Variants in TAMM41 observed in about 807,000 individuals in gnomAD.
TAMM41 encodes the protein TAM41 mitochondrial translocator assembly and maintenance homolog.
Under a neutral mutation model 44.1 loss-of-function variants are expected in TAMM41, and 36 were observed. The ratio of observed to expected loss-of-function variants is 0.82; its 90% CI spans 0.63 to 1.08. The LOEUF is 1.08. Among genes scored for constraint, TAMM41 ranks in the 50% least tolerant of loss-of-function variants. TAMM41 has a pLI of 0.00. For synonymous variants in TAMM41, 164 were observed against 153.1 expected, an observed-to-expected ratio of 1.07 and a Z score of -0.53; for missense variants, 417 against 404.3, an observed-to-expected ratio of 1.03 and a Z score of -0.27.
downstream of TAMM41, among the ~76,000 whole-genome samples, chr3:11,787,044 CACTT>C (rs558676097): frequency 9.8e-4 from 150 of 152,316 alleles, 2 homozygotes; most frequent in Admixed American, 7.8e-3. Flanking sequence ...CTTGCTCACT[CACTT>C]GTCTGGCAAT....
At chr3:11,765,465 G>C in the TAMM41 span, among the ~76,000 whole-genome samples, 2 of 152,128 alleles carry the variant, frequency 1.3e-5, no homozygotes, top group Admixed American at 1.3e-4. Flanking sequence ...AATAAGTTAA[G>C]AAAACTTCTC....
intron 5 of TAMM41, chr3:11,810,867 C>T (rs1038596191): frequency 6.6e-6 from 1 of 151,366 alleles, no homozygotes; most frequent in African/African-American, 2.4e-5. Flanking sequence ...AATTCAACAT[C>T]AGCCCTAGCA....
downstream of TAMM41, among the ~76,000 whole-genome samples, chr3:11,787,367 C>A (rs1303158701): frequency 1.3e-5 from 2 of 152,208 alleles, no homozygotes; most frequent in African/African-American, 4.8e-5. Flanking sequence ...AGCAACACAG[C>A]AGCAGGTGTG....
Position 11,846,770 on chromosome 3 carries a change from G to A in TAMM41, c.-134C>T, listed in dbSNP as rs2079721767. On this transcript the variant is annotated 5_prime_UTR_variant, in exon 1 of 8. Coordinates refer to ENST00000455809, the MANE Select transcript of TAMM41 (RefSeq NM_001284401.2). ...ATCGAGGGACACAAGGCTGAGTGTG[G>A]GGTGGGACTGCAAGCACACGCAAGG... The A allele has an allele frequency of 8.7e-7, 1 of 1,155,716 alleles. No homozygotes were observed. Among genetic ancestry groups the A allele is most frequent in the Non-Finnish European group, 1.2e-6 (1 of 811,736 alleles). The allele number at this position is 1,155,716 out of a possible 1,614,324, so 71.6% of individuals were successfully genotyped here. A position where few individuals can be genotyped will look rare whatever the true frequency, so the allele number is the denominator to read the frequency against.
chr3:11,780,484 A>G, the TAMM41 span, among the ~76,000 whole-genome samples: 51 of 152,266 alleles, frequency 3.3e-4, no homozygotes, highest in African/African-American at 1.2e-3. Flanking sequence ...TTTAGTCAAG[A>G]GGTTAAGAGG....
chr3:11,794,473 T>G (rs900382928), intron 7 of TAMM41, among the ~76,000 whole-genome samples: 1 of 152,160 alleles, frequency 6.6e-6, no homozygotes, highest in African/African-American at 2.4e-5. Context: ...GAAAGGATGA[T>G]GATTTAGGAA....
chr3:11,741,543 A>G, the TAMM41 span, among the ~76,000 whole-genome samples: 2 of 149,976 alleles, frequency 1.3e-5, 1 homozygote, highest in African/African-American at 5.1e-5. Context: ...ATTTCTCTTC[A>G]TGTCTTCCAC....
intron 4 of TAMM41, among the ~76,000 whole-genome samples, chr3:11,817,883 T>C: frequency 6.6e-6 from 1 of 152,368 alleles, no homozygotes; most frequent in Non-Finnish European, 1.5e-5. Context: ...AAAACAGATA[T>C]AACTTTTTAA....
intron 4 of TAMM41, among the ~76,000 whole-genome samples, chr3:11,818,897 C>CAAA (rs11419189): frequency 1.0e-5 from 1 of 97,064 alleles, no homozygotes. Flanking sequence ...GACTCCATCT[C>CAAA]AAAAAAAAAA....
In TAMM41 at chr3:11,805,656, T is replaced by C. The variant is rs185372616; in HGVS notation, c.937+2177A>G. 1.3e-4 allele frequency among the ~76,000 whole-genome samples: 20 copies of C among 152,298 alleles called. 1 individual carries two copies. In the East Asian group the frequency reaches 3.7e-3, roughly 28 times the overall value. ...GAGGAGTATCCAAGCAGCTGGGCTA[T>C]GAGACACTGAGAGGTGTGACCATAC... On this transcript the variant is annotated intron_variant, in intron 7 of 7. Coordinates refer to ENST00000455809, the MANE Select transcript of TAMM41 (RefSeq NM_001284401.2).
the TAMM41 span, among the ~76,000 whole-genome samples, chr3:11,762,562 C>T: frequency 2.4e-4 from 37 of 152,280 alleles, no homozygotes; most frequent in African/African-American, 8.7e-4. Context: ...ACTTAGACTC[C>T]CACTACTGTC....
At chr3:11,841,598 A>C (rs1229389645) in intron 2 of TAMM41, among the ~76,000 whole-genome samples, 1 of 152,226 alleles carries the variant, frequency 6.6e-6, no homozygotes, top group Non-Finnish European at 1.5e-5. Flanking sequence ...TGGTTACTGG[A>C]ACTTATAATA....
chr3:11,738,456 A>T, the TAMM41 span, among the ~76,000 whole-genome samples: 1 of 152,170 alleles, frequency 6.6e-6, no homozygotes, highest in Non-Finnish European at 1.5e-5. Flanking sequence ...ATTGTTCCCG[A>T]TGTCCTATTC....
intron 7 of TAMM41, among the ~76,000 whole-genome samples, chr3:11,804,264 C>T (rs1236439816): frequency 6.6e-6 from 1 of 152,132 alleles, no homozygotes; most frequent in African/African-American, 2.4e-5. Flanking sequence ...AGATCTTTTT[C>T]AGCCTTTTAT....
chr3:11,752,428 A>G, the TAMM41 span, among the ~76,000 whole-genome samples: 2 of 151,920 alleles, frequency 1.3e-5, no homozygotes, highest in African/African-American at 4.8e-5. Flanking sequence ...TGATTGGTCC[A>G]TTTTACAGAA....
At chr3:11,746,029 G>A in the TAMM41 span, among the ~76,000 whole-genome samples, 17 of 152,204 alleles carry the variant, frequency 1.1e-4, no homozygotes, top group East Asian at 3.9e-4. Context: ...GGCCGGGCGC[G>A]GTCGCTCACG....
chr3:11,736,664 C>T, the TAMM41 span, among the ~76,000 whole-genome samples: 2 of 152,138 alleles, frequency 1.3e-5, no homozygotes, highest in South Asian at 2.1e-4. Context: ...TTACCACAAA[C>T]GTGTGGGCAG....
the TAMM41 span, among the ~76,000 whole-genome samples, chr3:11,736,679 T>G: frequency 1.3e-5 from 2 of 152,124 alleles, no homozygotes; most frequent in Non-Finnish European, 2.9e-5. Flanking sequence ...GGGCAGGACT[T>G]CAGAGTGGCT....
chr3:11,816,729 T>C (rs918254918), intron 5 of TAMM41, among the ~76,000 whole-genome samples: 6 of 151,824 alleles, frequency 4.0e-5, no homozygotes, highest in African/African-American at 1.2e-4. Flanking sequence ...GCCGAGATCG[T>C]GCCACTGCAC....
Sources: allele counts gnomAD v4.1 joint callset (sites outside exome capture counted in the v4.1 genomes callset), GRCh38; gene constraint gnomAD v4.1.1; transcripts MANE v1.5; gene names NCBI Gene and HGNC (gene_info 2026-07-23, HGNC 2026-07-21).